The following LINGO2 variants were observed in gnomAD, a reference collection of about 807,000 sequenced individuals.
LINGO2 encodes the protein leucine-rich repeat and immunoglobulin-like domain-containing nogo receptor-interacting protein 2.
Under a neutral mutation model 30.6 loss-of-function variants are expected in LINGO2, and 14 were observed. The ratio of observed to expected loss-of-function variants is 0.46; its 90% confidence interval spans 0.30 to 0.72. LINGO2 has a LOEUF of 0.72. Among genes scored for constraint, LINGO2 ranks in the 30% least tolerant of loss-of-function variants. The pLI, the probability that LINGO2 is intolerant of heterozygous loss-of-function variation, is 0.07. For missense variants in LINGO2, 729 were observed against 751.7 expected, an observed-to-expected ratio of 0.97 and a Z score of 0.35; for synonymous variants, 317 against 288.5, an observed-to-expected ratio of 1.10 and a Z score of -1.00.
At chr9:29,058,735 C>T in the LINGO2 span, among the ~76,000 whole-genome samples, 1 of 151,362 alleles carries the variant, frequency 6.6e-6, no homozygotes, top group Admixed American at 6.6e-5. Context: ...AAATGAAAAC[C>T]AAATACAGGG....
intron 3 of LINGO2, among the ~76,000 whole-genome samples, chr9:28,358,755 T>C (rs1295804521): frequency 6.6e-6 from 1 of 152,172 alleles, no homozygotes; most frequent in East Asian, 1.9e-4. Flanking sequence ...ACCTGGCACT[T>C]AGTAAACATT....
At chr9:28,262,212 G>A (rs546641956) in intron 4 of LINGO2, among the ~76,000 whole-genome samples, 58 of 151,854 alleles carry the variant, frequency 3.8e-4, no homozygotes, top group African/African-American at 1.3e-3. Context: ...TAATTAAGAC[G>A]ATGCTTATAA....
chr9:28,467,123 T>C (rs986179411), intron 2 of LINGO2, among the ~76,000 whole-genome samples: 4 of 151,970 alleles, frequency 2.6e-5, no homozygotes, highest in Non-Finnish European at 5.9e-5. Context: ...CCTCCTGGGT[T>C]CACGCCATTC....
intron 3 of LINGO2, among the ~76,000 whole-genome samples, chr9:28,338,933 TAACAAACA>T (rs138977097): frequency 2.0e-5 from 3 of 151,830 alleles, no homozygotes; most frequent in Non-Finnish European, 2.9e-5. Flanking sequence ...AAAGCAAAAT[TAACAAACA>T]AACAAACAAA....
At chr9:29,149,244 A>T in the LINGO2 span, among the ~76,000 whole-genome samples, 1 of 152,194 alleles carries the variant, frequency 6.6e-6, no homozygotes, top group Admixed American at 6.5e-5. Flanking sequence ...TTAATAGTTC[A>T]TTTTATTTTT....
chr9:28,291,988 G>A (rs1823747383), intron 4 of LINGO2, among the ~76,000 whole-genome samples: 1 of 152,048 alleles, frequency 6.6e-6, no homozygotes, highest in Non-Finnish European at 1.5e-5. Flanking sequence ...AACAACCAAG[G>A]CAGAAGACAA....
intron 3 of LINGO2, among the ~76,000 whole-genome samples, chr9:28,304,767 G>C (rs897878854): frequency 1.3e-5 from 2 of 151,902 alleles, no homozygotes; most frequent in Non-Finnish European, 2.9e-5. Context: ...CAAATTAATA[G>C]AAAACCTACT....
intron 3 of LINGO2, among the ~76,000 whole-genome samples, chr9:28,366,722 A>G (rs1368306769): frequency 7.4e-6 from 1 of 134,598 alleles, no homozygotes; most frequent in Non-Finnish European, 1.6e-5. Flanking sequence ...TAAAGCAGGT[A>G]TGTAAAGTTA....
At chr9:28,493,358 A>G (rs1236342504) in intron 1 of LINGO2, among the ~76,000 whole-genome samples, 3 of 152,168 alleles carry the variant, frequency 2.0e-5, no homozygotes, top group Non-Finnish European at 4.4e-5. Context: ...TTTAAAATCA[A>G]CATTGGGGGT....
At chr9:28,455,865 G>A (rs943967373) in intron 2 of LINGO2, among the ~76,000 whole-genome samples, 1 of 151,974 alleles carries the variant, frequency 6.6e-6, no homozygotes, top group Non-Finnish European at 1.5e-5. Context: ...CTACACCATG[G>A]CATTTTTCTT....
the LINGO2 span, among the ~76,000 whole-genome samples, chr9:29,110,734 A>G: frequency 1.3e-5 from 2 of 150,844 alleles, no homozygotes; most frequent in African/African-American, 4.9e-5. Context: ...TCTGTCCCCC[A>G]GGCTGGAGTG....
chr9:28,340,732 G>C (rs1303065388), intron 3 of LINGO2, among the ~76,000 whole-genome samples: 2 of 152,078 alleles, frequency 1.3e-5, no homozygotes, highest in Non-Finnish European at 2.9e-5. Context: ...TCATGGAATA[G>C]CAGTCTGTCT....
the LINGO2 span, among the ~76,000 whole-genome samples, chr9:28,989,563 A>T: frequency 6.6e-6 from 1 of 152,196 alleles, no homozygotes; most frequent in African/African-American, 2.4e-5. Context: ...GATTTTAGGC[A>T]GTCACTTAAC....
chr9:28,913,874 T>C, the LINGO2 span, among the ~76,000 whole-genome samples: 5 of 152,180 alleles, frequency 3.3e-5, no homozygotes, highest in African/African-American at 1.2e-4. Flanking sequence ...CATTTTAGAT[T>C]CTGCAAAATA....
chr9:28,162,106 A>G, intron 4 of LINGO2, among the ~76,000 whole-genome samples: 1 of 152,106 alleles, frequency 6.6e-6, no homozygotes, highest in East Asian at 1.9e-4. Context: ...ATATCCATAT[A>G]TTGCCTGCAT....
At chr9:28,245,584 T>C (rs975644890) in intron 4 of LINGO2, among the ~76,000 whole-genome samples, 1 of 151,962 alleles carries the variant, frequency 6.6e-6, no homozygotes, top group Non-Finnish European at 1.5e-5. Context: ...TGATAAGCAA[T>C]GTCAGCAAAG....
At chr9:28,251,792 A>G (rs755077076) in intron 4 of LINGO2, among the ~76,000 whole-genome samples, 2 of 152,280 alleles carry the variant, frequency 1.3e-5, no homozygotes, top group Admixed American at 6.5e-5. Flanking sequence ...AAACTATTAC[A>G]TACAGGGAGG....
At chr9:29,062,598 G>A in the LINGO2 span, among the ~76,000 whole-genome samples, 3 of 152,064 alleles carry the variant, frequency 2.0e-5, no homozygotes, top group Non-Finnish European at 2.9e-5. Context: ...ATGACAAATT[G>A]TACATGATTT....
intron 5 of LINGO2, among the ~76,000 whole-genome samples, chr9:27,998,239 A>G (rs949520489): frequency 1.3e-5 from 2 of 152,186 alleles, no homozygotes; most frequent in Non-Finnish European, 2.9e-5. Context: ...GCTAGGTCAT[A>G]TGAAACCTTT....
Sources: allele counts gnomAD v4.1 joint callset (sites outside exome capture counted in the v4.1 genomes callset), GRCh38; gene constraint gnomAD v4.1.1; transcripts MANE v1.5; gene names NCBI Gene and HGNC (gene_info 2026-07-23, HGNC 2026-07-21).